Variants in CAMKK1 observed in about 807,000 individuals in gnomAD.
The protein encoded by CAMKK1 is calcium/calmodulin dependent protein kinase kinase 1, also known as calcium/calmodulin-dependent protein kinase kinase 1.
In CAMKK1, 20 loss-of-function variants were observed where a neutral mutation model predicts 63.5. The observed-to-expected ratio is 0.32, with a 90% confidence interval of 0.22 to 0.46. The LOEUF is 0.46. CAMKK1 is among the 20% of genes least tolerant of loss of function. CAMKK1 has a pLI of 1.00. For missense variants in CAMKK1, 588 were observed against 658.1 expected, an observed-to-expected ratio of 0.89 and a Z score of 1.17; for synonymous variants, 253 against 269.0, an observed-to-expected ratio of 0.94 and a Z score of 0.58.
intron 7 of CAMKK1, 29 bp from the exon 8 acceptor site, chr17:3,881,677 T>C: frequency 6.4e-7 from 1 of 1,559,828 alleles, no homozygotes. Context: ...AGGTAAGGTG[T>C]AGCTGGCTGG....
intron 14 of CAMKK1, 79 bp downstream of exon 14, chr17:3,869,408 C>G (rs143149012): frequency 9.5e-5 from 150 of 1,575,382 alleles, no homozygotes; most frequent in Admixed American, 2.4e-4. Flanking sequence ...CTCTGTCCCC[C>G]CAAGGAGCCA....
At chr17:3,885,883 T>C (rs2055629274) in intron 1 of CAMKK1, among the ~76,000 whole-genome samples, 153 bp from the exon 2 acceptor site, 1 of 152,252 alleles carries the variant, frequency 6.6e-6, no homozygotes, top group South Asian at 2.1e-4. Context: ...TCTGTCCCTA[T>C]GACCTGAATG....
At chr17:3,891,118 G>T (rs572833035) in intron 1 of CAMKK1, among the ~76,000 whole-genome samples, 158 of 151,754 alleles carry the variant, frequency 1.0e-3, no homozygotes, top group African/African-American at 3.8e-3. Flanking sequence ...TTGGGGGGGG[G>T]GTCACAGGCT....
rs2055708403 is a variant in CAMKK1 at position 3,887,595 on chromosome 17, G to GAGGGGACAGGGAGTGGGGCT, written c.-43-1885_-43-1866dup. The stretch of plus-strand genomic sequence containing the variant: ...AAGGAGGCCTCCCTGGAGGAGGTGA[G>GAGGGGACAGGGAGTGGGGCT]AGGGGACAGGGAGTGGGGCTGTGGC... On this transcript the variant is annotated intron_variant, in intron 1 of 15. Coordinates refer to ENST00000348335, the MANE Select transcript of CAMKK1 (RefSeq NM_032294.3). This position sits in a 1 kb window ranked among gnomAD's most constrained non-coding sequence, Gnocchi z 6.1. Among the ~76,000 whole-genome samples, 3 of 151,870 alleles carry GAGGGGACAGGGAGTGGGGCT rather than the reference G, an allele frequency of 2.0e-5. No individual in the cohort carries two copies. The highest frequency in any genetic ancestry group is 7.3e-5 in the African/African-American group (3 of 41,332).
chr17:3,880,559 T>C, intron 8 of CAMKK1, 125 bp from the exon 9 acceptor site: 1 of 664,198 alleles, frequency 1.5e-6, no homozygotes, highest in South Asian at 1.7e-5. Flanking sequence ...ATTAGCTTTT[T>C]CTGCTACATA....
chr17:3,875,077 G>C (rs1050216870), intron 10 of CAMKK1, among the ~76,000 whole-genome samples: 1 of 151,852 alleles, frequency 6.6e-6, no homozygotes, highest in African/African-American at 2.4e-5. Flanking sequence ...AGCTGAGATC[G>C]CGCCACTGCA....
At chr17:3,865,656 G>A in intron 15 of CAMKK1, 1 of 1,359,752 alleles carries the variant, frequency 7.4e-7, no homozygotes, top group Non-Finnish European at 9.5e-7. Context: ...GGCTGCGTGA[G>A]CTCCTCATCC....
rs2055843174 is a variant in CAMKK1 at position 3,890,252 on chromosome 17, C to A, written c.-44+2687G>T. 6.6e-6 allele frequency among the ~76,000 whole-genome samples: 1 copy of A among 152,166 alleles called. No homozygotes were observed. Among genetic ancestry groups the A allele is most frequent in the South Asian group, 2.1e-4 (1 of 4,838 alleles). On this transcript the variant is annotated intron_variant, in intron 1 of 15. Coordinates refer to ENST00000348335, the MANE Select transcript of CAMKK1 (RefSeq NM_032294.3). The surrounding 1 kb of genome is among the most constrained non-coding windows in gnomAD (Gnocchi z 6.5). ...TGAGGGAGGCCCAGGCGTCTGGTGC[C>A]AAGTCATGCTTGACGACTCCTGCTG...
In CAMKK1 at chr17:3,884,298, C is replaced by G; in HGVS notation, c.408+82G>C. ...CTAGGACTTGCCTGGCTCTGCCTCC[C>G]GTTCCCTCCCACACGAGAGAAGGAG... is the stretch of plus-strand genomic sequence containing the variant. On this transcript the variant is annotated intron_variant, in intron 3 of 15. Coordinates refer to ENST00000348335, the MANE Select transcript of CAMKK1 (RefSeq NM_032294.3). This position sits in a 1 kb window ranked among gnomAD's most constrained non-coding sequence, Gnocchi z 4.5. 2 of 1,481,150 alleles carry G rather than the reference C, an allele frequency of 1.4e-6. No individual in the cohort carries two copies. Among genetic ancestry groups the G allele is most frequent in the South Asian group, 2.3e-5 (2 of 87,520 alleles). The allele number at this position is 1,481,150 out of a possible 1,614,324, so 91.8% of individuals were successfully genotyped here.
rs1387054504 is a variant in CAMKK1, at chr17:3,883,435, A to C, written c.508T>G (p.Phe170Val). The stretch of plus-strand genomic sequence containing the variant: ...AGGATCAGAAGATACATACGTGGAA[A>C]GCCATACTGCTTCAGTAACTTCTTT... Reference protein sequence around the residue: ...SKKKLLKQYGFPRRPPPRGSQ... With the variant: ...SKKKLLKQYGVPRRPPPRGSQ... Residue 170 changes from phenylalanine to valine, a missense_variant, in exon 5 of 16, where the codon TTT becomes GTT. Physicochemically the swap from Phe to Val is conservative, Grantham distance 50. This residue lies in a region of CAMKK1 where 357 missense variants were observed against 407.4 expected (regional missense o/e 0.88). Transcript: ENST00000348335. The surrounding 1 kb of genome is among the most constrained non-coding windows in gnomAD (Gnocchi z 4.7). The C allele has an allele frequency of 6.2e-7, 1 of 1,613,702 alleles. No homozygotes were observed. Among genetic ancestry groups the C allele is most frequent in the Non-Finnish European group, 8.5e-7 (1 of 1,179,704 alleles).
chr17:3,875,938 G>T (rs994981353), intron 10 of CAMKK1, among the ~76,000 whole-genome samples: 11 of 152,176 alleles, frequency 7.2e-5, no homozygotes, highest in Non-Finnish European at 1.3e-4. Flanking sequence ...ACCATCCAGA[G>T]GGCAGGAAAC....
rs28554475 is a variant in CAMKK1, at chr17:3,879,173, G to A, written c.796+1173C>T. The A allele has an allele frequency of 0.11, 17,412 of 152,226 alleles. 1,922 individuals are homozygous for A. The highest frequency in any genetic ancestry group is 0.3 in the East Asian group (1,568 of 5,156). 9.4% of individuals were successfully genotyped at this position (152,226 alleles called of 1,614,324 possible). A position where few individuals can be genotyped will look rare whatever the true frequency, so the allele number is the denominator to read the frequency against. On this transcript the variant is annotated intron_variant, in intron 9 of 15. Coordinates refer to ENST00000348335, the MANE Select transcript of CAMKK1 (RefSeq NM_032294.3). This position sits in a 1 kb window ranked among gnomAD's most constrained non-coding sequence, Gnocchi z 4.5. The stretch of plus-strand genomic sequence containing the variant: ...GTCCCCAACCCACGCCAGGACCCTA[G>A]GTGTCTAGGGGCTCTCCTCTCCCCA...
At chr17:3,872,706 T>A in intron 11 of CAMKK1, 79 bp from the exon 12 acceptor site, 24 of 1,226,084 alleles carry the variant, frequency 2.0e-5, no homozygotes, top group Non-Finnish European at 2.5e-5. Context: ...CCTCCCTTGG[T>A]GGGGGCAGGG....
rs1318421920 is a variant in CAMKK1, at chr17:3,880,336, C to T, written c.796+10G>A. On this transcript the variant is annotated intron_variant, in intron 9 of 15. Transcript: ENST00000348335. ...CCCCAGCCCCAGTGGGCAAGCTGCC[C>T]CGCACTCACAGTACTCGAGGCCCAG... The T allele has an allele frequency of 6.2e-7, 1 of 1,612,838 alleles. No homozygotes were observed. Among genetic ancestry groups the T allele is most frequent in the Non-Finnish European group, 8.5e-7 (1 of 1,179,286 alleles).
rs374764278 is a variant in CAMKK1 at position 3,873,421 on chromosome 17, A to G, written c.1038T>C (p.Phe346=). ...VWATGVTLYC[F]VYGKCPFIDD... The stretch of plus-strand genomic sequence containing the variant: ...CCCTGGCACTCACCTTCCCATAGAC[A>G]AAGCAGTACAACGTGACGCCAGTGG... Residue 346 remains phenylalanine, a synonymous_variant, in exon 11 of 16, where the codon TTT becomes TTC. Coordinates refer to ENST00000348335, the MANE Select transcript of CAMKK1 (RefSeq NM_032294.3). The G allele has an allele frequency of 2.3e-5, 37 of 1,614,086 alleles. No homozygotes were observed. The African/African-American group carries it at 4.5e-4, about 20-fold the overall frequency.
At chr17:3,875,456 ATTTT>A (rs797014554) in intron 10 of CAMKK1, among the ~76,000 whole-genome samples, 1 of 145,850 alleles carries the variant, frequency 6.9e-6, no homozygotes, top group South Asian at 2.2e-4. Flanking sequence ...TAATGTTTTT[ATTTT>A]TTTTTTTGTA....
intron 15 of CAMKK1, among the ~76,000 whole-genome samples, chr17:3,863,654 TG>T (rs1270951707): frequency 6.6e-6 from 1 of 151,940 alleles, no homozygotes; most frequent in Non-Finnish European, 1.5e-5. Flanking sequence ...GGTGGGCAAA[TG>T]GCTTGAGGCC....
chr17:3,875,932 T>A (rs890004259), intron 10 of CAMKK1, among the ~76,000 whole-genome samples: 2 of 152,042 alleles, frequency 1.3e-5, no homozygotes, highest in Non-Finnish European at 2.9e-5. Flanking sequence ...CCCGAAACCA[T>A]CCAGAGGGCA....
chr17:3,875,939 G>T (rs1019261185), intron 10 of CAMKK1, among the ~76,000 whole-genome samples: 1 of 152,138 alleles, frequency 6.6e-6, no homozygotes, highest in Non-Finnish European at 1.5e-5. Context: ...CCATCCAGAG[G>T]GCAGGAAACA....
Sources: allele counts gnomAD v4.1 joint callset (sites outside exome capture counted in the v4.1 genomes callset), GRCh38; gene constraint gnomAD v4.1.1; regional missense constraint gnomAD v4.1.1; non-coding constraint Gnocchi (gnomAD v3.1); transcripts MANE v1.5; gene names NCBI Gene and HGNC (gene_info 2026-07-23, HGNC 2026-07-21).